TP53I13: variants seen among roughly 807,000 people sequenced by gnomAD.
TP53I13 encodes the protein tumor protein p53-inducible protein 13.
Under a neutral mutation model 39.1 loss-of-function variants are expected in TP53I13, and 27 were observed. The ratio of observed to expected loss-of-function variants is 0.69; its 90% CI spans 0.51 to 0.95. The LOEUF (loss-of-function observed/expected upper bound fraction) is 0.95. Among genes scored for constraint, TP53I13 ranks in the 40% least tolerant of loss-of-function variants. The pLI, the probability that TP53I13 is intolerant of heterozygous loss-of-function variation, is 0.00. For synonymous variants in TP53I13, 230 were observed against 224.6 expected (o/e 1.02, Z -0.22); for missense variants, 544 against 520.4 (o/e 1.05, Z -0.44).
upstream of TP53I13, chr17:29,568,378 C>T (rs1168939032): frequency 6.6e-6 from 1 of 152,380 alleles, no homozygotes; most frequent in African/African-American, 2.4e-5. This position sits in a 1 kb window ranked among gnomAD's most constrained non-coding sequence, Gnocchi z 4.5. Flanking sequence ...GCCTTACACT[C>T]CGCTCCACGA....
At chr17:29,578,393 G>C in the TP53I13 span, 2 of 1,608,520 alleles carry the variant, frequency 1.2e-6, no homozygotes, top group Non-Finnish European at 8.5e-7. Flanking sequence ...GAGGGGCCCA[G>C]ATGTTGTCAG....
chr17:29,574,275 A>C, downstream of TP53I13: 7 of 207,224 alleles, frequency 3.4e-5, no homozygotes, highest in East Asian at 1.4e-4. Flanking sequence ...CATGGAGACT[A>C]TGTACAAAGG....
At chr17:29,577,331 G>A, downstream of TP53I13, 2 of 1,039,314 alleles carry the variant, frequency 1.9e-6, no homozygotes, top group South Asian at 1.4e-5. Flanking sequence ...GCAAGGCATG[G>A]CTCTGCCATT....
upstream of TP53I13, chr17:29,566,761 C>A: frequency 3.9e-6 from 6 of 1,536,752 alleles, no homozygotes; most frequent in Admixed American, 2.0e-5. Context: ...AAGGCTGCAC[C>A]CTCCCGGCAG....
At chr17:29,578,823 T>C in the TP53I13 span, 1 of 1,598,844 alleles carries the variant, frequency 6.3e-7, no homozygotes, top group Non-Finnish European at 8.6e-7. Flanking sequence ...AGGAGAGACC[T>C]GAGAGGTGGC....
In TP53I13 at chr17:29,572,873, C is replaced by A. The variant is rs750010272; in HGVS notation, c.1131C>A (p.Pro377=). 3.3e-6 allele frequency: 5 copies of A among 1,519,442 alleles called. No individual in the cohort carries two copies. The East Asian group carries it at 1.3e-4, about 39-fold the overall frequency. The allele number at this position is 1,519,442 out of a possible 1,614,324, so 94.1% of individuals were successfully genotyped here. The change falls in exon 7 of 7, where the codon CCC becomes CCA. Residue 377 remains proline (P), a synonymous_variant. Transcript: ENST00000301057. ...SRRVKRSRRR[P]LLPPTPDSGP... ...GGGTCAAGCGCTCGCGCCGGAGACC[C>A]CTCCTCCCGCCCACGCCGGACAGCG...
chr17:29,568,846 C>G lies in TP53I13; in HGVS notation c.72+16C>G. On this transcript the variant is annotated intron_variant, in intron 1 of 6. Coordinates refer to ENST00000301057, the MANE Select transcript of TP53I13 (RefSeq NM_138349.4). The surrounding 1 kb of genome is among the most constrained non-coding windows in gnomAD (Gnocchi z 4.5). ...TCCCAGCGAGGTAAGGTGACCCGCT[C>G]CTGGGAAGGCCTCGGCCCGCGAGCT... 1.3e-6 allele frequency: 2 copies of G among 1,599,928 alleles called. No homozygotes were observed. Among genetic ancestry groups the G allele is most frequent in the Non-Finnish European group, 1.7e-6 (2 of 1,179,422 alleles).
At chr17:29,572,088 C>T (rs773556961) in intron 5 of TP53I13, 31 bp downstream of exon 5, 20 of 1,611,702 alleles carry the variant, frequency 1.2e-5, no homozygotes, top group Non-Finnish European at 1.5e-5. Context: ...GCTTGTTGGC[C>T]CTCGGGTTCT....
At position 29,569,041 on chromosome 17, in the gene TP53I13, G is replaced by T. The variant is rs755216389; in HGVS notation, c.96G>T (p.Glu32Asp). 29 of 1,608,308 alleles carry T rather than the reference G, an allele frequency of 1.8e-5. No individual in the cohort carries two copies. The East Asian group carries it at 6.5e-4, about 36-fold the overall frequency. ...PSEVMAGPAE[E>D]AGAHCPESLW... Reference sequence around the variant, plus strand: ...AGGTGATGGCTGGACCGGCGGAGGAGGCGGGAGCCCATTGTCCCGAGAGCC... The same window carrying T: ...AGGTGATGGCTGGACCGGCGGAGGATGCGGGAGCCCATTGTCCCGAGAGCC... Residue 32 changes from glutamate (E) to aspartate (D), a missense_variant, in exon 2 of 7, where the codon GAG becomes GAT. By Grantham distance (45) the Glu-to-Asp change is conservative. Transcript: ENST00000301057.
intron 3 of TP53I13, 108 bp downstream of exon 3, chr17:29,569,467 C>CGAAG: frequency 9.1e-7 from 1 of 1,100,376 alleles, no homozygotes. Flanking sequence ...CTTACCACTT[C>CGAAG]CCTCAGGCAG....
chr17:29,578,286 C>T, the TP53I13 span: 1 of 1,609,292 alleles, frequency 6.2e-7, no homozygotes, highest in Non-Finnish European at 8.5e-7. Context: ...GACACTCCTG[C>T]TCCCTGACTC....
At chr17:29,574,913 C>A (rs1204026850), downstream of TP53I13, 2 of 1,561,450 alleles carry the variant, frequency 1.3e-6, no homozygotes. Flanking sequence ...CAGGGCTGGC[C>A]TCTGGAGGGG....
At chr17:29,581,914 A>C in the TP53I13 span, 1 of 1,611,274 alleles carries the variant, frequency 6.2e-7, no homozygotes, top group Non-Finnish European at 8.5e-7. This position sits in a 1 kb window ranked among gnomAD's most constrained non-coding sequence, Gnocchi z 4.8. Context: ...TGCACCCTTC[A>C]GCCGACCCTC....
In TP53I13 at chr17:29,568,794, C is replaced by T; in HGVS notation, c.36C>T (p.Leu12=). The change falls in exon 1 of 7, where the codon CTC becomes CTT. Residue 12 remains leucine (L), a synonymous_variant. Transcript: ENST00000301057. The surrounding 1 kb of genome is among the most constrained non-coding windows in gnomAD (Gnocchi z 4.5). ...CTCCGCCTTCGCCCCAACTGCTTCT[C>T]CTGGCAGCCCTCGCGAGGCTCCTGG... ...APPPPSPQLL[L]LAALARLLGP... 1.3e-6 allele frequency: 2 copies of T among 1,598,294 alleles called. No homozygotes were observed. Among genetic ancestry groups the T allele is most frequent in the Non-Finnish European group, 1.7e-6 (2 of 1,179,190 alleles).
At chr17:29,581,278 G>T in the TP53I13 span, 2 of 1,307,610 alleles carry the variant, frequency 1.5e-6, no homozygotes, top group Non-Finnish European at 2.2e-6. The surrounding 1 kb of genome is among the most constrained non-coding windows in gnomAD (Gnocchi z 4.8). Flanking sequence ...GAGCTCTGGG[G>T]GTCAGCCACC....
the TP53I13 span, chr17:29,579,361 A>AT: frequency 6.7e-6 from 2 of 298,872 alleles, no homozygotes; most frequent in East Asian, 7.1e-5. Context: ...AGCCAGGGTG[A>AT]TTTTTTGGAT....
downstream of TP53I13, chr17:29,575,254 C>A: frequency 6.3e-7 from 1 of 1,588,338 alleles, no homozygotes; most frequent in South Asian, 1.1e-5. The surrounding 1 kb of genome is among the most constrained non-coding windows in gnomAD (Gnocchi z 5.5). Flanking sequence ...CCAACAGGAA[C>A]TGCATCCCCC....
chr17:29,572,551 A>T lies in TP53I13; in HGVS notation c.923A>T (p.Glu308Val), dbSNP rs2032990250. The change falls in exon 6 of 7, where the codon GAA becomes GTA. Residue 308 changes from glutamate (E) to valine (V), a missense_variant. Physicochemically the swap from Glu to Val is moderately radical, Grantham distance 121. Transcript: ENST00000301057. ...GCCCGGGGCCCCACCCCACGCACTG[A>T]AGAGGCCGCCTGGGCTGCCATGGCC... ...RAARGPTPRT[E>V]EAAWAAMALT... The T allele has an allele frequency of 6.3e-7, 1 of 1,597,724 alleles. No homozygotes were observed. The highest frequency in any genetic ancestry group is 8.5e-7 in the Non-Finnish European group (1 of 1,173,956).
chr17:29,581,222 T>TC, the TP53I13 span: 1 of 777,044 alleles, frequency 1.3e-6, no homozygotes, highest in Non-Finnish European at 2.3e-6. This position sits in a 1 kb window ranked among gnomAD's most constrained non-coding sequence, Gnocchi z 4.8. Flanking sequence ...GCCTCTAGTC[T>TC]CTGGGGGGAG....
Sources: gnomAD v4.1 joint callset for allele counts on GRCh38, gnomAD v4.1.1 for gene constraint, Gnocchi (gnomAD v3.1) non-coding constraint, MANE v1.5 for transcripts, NCBI Gene and HGNC (gene_info 2026-07-23, HGNC 2026-07-21) for gene names.